INTS13: variants seen among roughly 807,000 people sequenced by gnomAD.
INTS13 encodes the protein asunder, spermatogenesis regulator homolog (Drosphila).
Under a neutral mutation model 90.2 loss-of-function variants are expected in INTS13, and 35 were observed. The ratio of observed to expected loss-of-function variants is 0.39; its 90% CI spans 0.30 to 0.51. The LOEUF (loss-of-function observed/expected upper bound fraction) is 0.51, where lower values mean the gene tolerates loss of function less well. Ranked by LOEUF, INTS13 falls within the 20% of genes least tolerant of loss-of-function variation. The probability of loss-of-function intolerance (pLI) is 0.80; values close to 1 mark genes in which losing one functional copy is unlikely to be tolerated. For synonymous variants in INTS13, 309 were observed against 277.1 expected (o/e 1.11, Z -1.14); for missense variants, 601 against 851.2 (o/e 0.71, Z 3.66).
rs116930070 is a variant in INTS13 at position 26,922,097 on chromosome 12, G to C, written c.889+519C>G. ...GGGATGTGAATCATTCCTTTGTCCA[G>C]CATATATATGCTATAAACACTACAA... On this transcript the variant is annotated intron_variant, in intron 8 of 16. Transcript: ENST00000261191. 1.7e-3 allele frequency among the ~76,000 whole-genome samples: 259 copies of C among 152,316 alleles called. 4 individuals are homozygous for C. In the East Asian group the frequency reaches 0.035, roughly 21 times the overall value.
At position 26,916,738 on chromosome 12, in the gene INTS13, C is replaced by T. The variant is rs2137454421; in HGVS notation, c.1070-558G>A. 1.3e-5 allele frequency among the ~76,000 whole-genome samples: 2 copies of T among 152,198 alleles called. 1 individual carries two copies. Among genetic ancestry groups the T allele is most frequent in the South Asian group, 4.1e-4 (2 of 4,822 alleles). On this transcript the variant is annotated intron_variant, in intron 10 of 16. Coordinates refer to ENST00000261191, the MANE Select transcript of INTS13 (RefSeq NM_018164.3). ...GACTGACTCTTTAGATCACTAGTTC[C>T]AAAACCTGAGATGATCATAAGAATT...
In INTS13 at chr12:26,905,543, T is replaced by C. The variant is rs374095160; in HGVS notation, c.2082-7A>G. On this transcript the variant is annotated splice_polypyrimidine_tract_variant and splice_region_variant and intron_variant, in intron 16 of 16. Coordinates refer to ENST00000261191, the MANE Select transcript of INTS13 (RefSeq NM_018164.3). ...ATTTTCTGTTGTCTCCATCCTGAAA[T>C]AGGAAGAAAAAAACGAGTTGATAAA... 2.6e-4 allele frequency: 417 copies of C among 1,610,386 alleles called. No homozygotes were observed. Among genetic ancestry groups the C allele is most frequent in the Admixed American group, 4.9e-4 (29 of 59,384 alleles).
intron 1 of INTS13, among the ~76,000 whole-genome samples, chr12:26,937,382 G>A (rs981031271): frequency 6.6e-6 from 1 of 152,104 alleles, no homozygotes; most frequent in Non-Finnish European, 1.5e-5. Context: ...TTAGGATAAG[G>A]ACCCCAACTT....
Position 26,925,976 on chromosome 12 carries a change from C to T in INTS13, c.585-125G>A. 3.2e-6 allele frequency: 2 copies of T among 627,498 alleles called. 1 individual carries two copies. 38.9% of individuals were successfully genotyped at this position (627,498 alleles called of 1,614,324 possible). On this transcript the variant is annotated intron_variant, in intron 5 of 16. Transcript: ENST00000261191. ...TGCTACAATTAGATATTACTGTTAA[C>T]CCAAAAGCTAAATATTAGAAAGGCA... is the stretch of plus-strand genomic sequence containing the variant.
rs559463410 is a variant in INTS13 at position 26,905,306 on chromosome 12, C to A, written c.*191G>T. 4.2e-4 allele frequency: 223 copies of A among 525,346 alleles called. 1 individual carries two copies. Among genetic ancestry groups the A allele is most frequent in the African/African-American group, 3.9e-3 (196 of 49,922 alleles). The allele number at this position is 525,346 out of a possible 1,614,324, so 32.5% of individuals were successfully genotyped here. A position where few individuals can be genotyped will look rare whatever the true frequency, so the allele number is the denominator to read the frequency against. Reference sequence around the variant, plus strand: ...ACTTGTATAATTTGGGAGGACAAATCATCTCAAATGTATATTTTTGAATTA... The same window carrying A: ...ACTTGTATAATTTGGGAGGACAAATAATCTCAAATGTATATTTTTGAATTA... On this transcript the variant is annotated 3_prime_UTR_variant, in exon 17 of 17. Transcript: ENST00000261191.
At chr12:26,938,047 T>G (rs1201860337), upstream of INTS13, 9 of 152,802 alleles carry the variant, frequency 5.9e-5, no homozygotes, top group Admixed American at 2.0e-4. Flanking sequence ...CGCTCTCCGA[T>G]AGCCCGGCCA....
chr12:26,922,974 AT>A (rs550393034), intron 7 of INTS13, among the ~76,000 whole-genome samples: 5 of 152,010 alleles, frequency 3.3e-5, no homozygotes, highest in African/African-American at 7.2e-5. Flanking sequence ...GAAATTTTGA[AT>A]TTTTTTTACT....
At chr12:26,913,152 A>G (rs78207325) in intron 14 of INTS13, among the ~76,000 whole-genome samples, 3,306 of 152,246 alleles carry the variant, frequency 0.022, 118 homozygotes, top group African/African-American at 0.076. Context: ...AGAGGAATAA[A>G]ATTATGTCTG....
rs146786338 is a variant in INTS13, at chr12:26,933,645, C to T, written c.300+911G>A. Reference sequence around the variant, plus strand: ...AAAAAGAGAGGAAAAAAAATGGGATCTGAAAAATAGGGAGAGAAGGATGAT... The same window carrying T: ...AAAAAGAGAGGAAAAAAAATGGGATTTGAAAAATAGGGAGAGAAGGATGAT... On this transcript the variant is annotated intron_variant, in intron 3 of 16. Coordinates refer to ENST00000261191, the MANE Select transcript of INTS13 (RefSeq NM_018164.3). Among the ~76,000 whole-genome samples, 64 of 152,184 alleles carry T rather than the reference C, an allele frequency of 4.2e-4. No homozygotes were observed. In the East Asian group the frequency reaches 6.9e-3, roughly 17 times the overall value.
intron 8 of INTS13, among the ~76,000 whole-genome samples, chr12:26,918,280 A>G (rs1952002415): frequency 6.6e-6 from 1 of 152,174 alleles, no homozygotes; most frequent in Admixed American, 6.5e-5. Flanking sequence ...CAATGAAAAA[A>G]ATGTCAGAGA....
intron 8 of INTS13, 24 bp from the exon 9 acceptor site, chr12:26,917,757 T>C (rs777718615): frequency 1.3e-6 from 2 of 1,503,194 alleles, no homozygotes; most frequent in Admixed American, 3.4e-5. Flanking sequence ...TCAGAGACAT[T>C]ACACATTGTA....
chr12:26,925,025 G>A (rs75036266), intron 6 of INTS13, among the ~76,000 whole-genome samples: 1,719 of 152,020 alleles, frequency 0.011, 28 homozygotes, highest in African/African-American at 0.039. Context: ...TTACAAATAA[G>A]TTTTCATTAT....
At chr12:26,930,270 T>C (rs939163206) in intron 3 of INTS13, among the ~76,000 whole-genome samples, 1 of 152,150 alleles carries the variant, frequency 6.6e-6, no homozygotes, top group African/African-American at 2.4e-5. Flanking sequence ...ATCCCCAACT[T>C]CTTTGTAGTA....
rs1169902375 is a variant in INTS13, at chr12:26,914,546, TA to T, written c.1280del (p.Leu427Ter). ...DFGEFMRENR[L>X]TPFLDPRYKI... ...TATATCTGGGGTCTAGAAAAGGAGT[TA>T]ATCTGTTTTCCCTCATAAATTCACC... On this transcript the variant is annotated frameshift_variant, in exon 12 of 17. Transcript: ENST00000261191. LOFTEE classifies it high-confidence loss of function. 2 of 1,613,266 alleles carry T rather than the reference TA, an allele frequency of 1.2e-6. No homozygotes were observed. The highest frequency in any genetic ancestry group is 1.7e-6 in the Non-Finnish European group (2 of 1,179,642).
chr12:26,928,156 T>C lies in INTS13; in HGVS notation c.584+49A>G, dbSNP rs371407691. 1.1e-3 allele frequency: 1,502 copies of C among 1,322,060 alleles called. 2 individuals carry two copies. The highest frequency in any genetic ancestry group is 1.5e-3 in the Non-Finnish European group (1,414 of 929,150). 81.9% of individuals were successfully genotyped at this position (1,322,060 alleles called of 1,614,324 possible). A position where few individuals can be genotyped will look rare whatever the true frequency, so the allele number is the denominator to read the frequency against. Reference sequence around the variant, plus strand: ...CAAGTTATTGGAAATAATTATAACATATATCTATCCACATGAACATATTTA... The same window carrying C: ...CAAGTTATTGGAAATAATTATAACACATATCTATCCACATGAACATATTTA... On this transcript the variant is annotated intron_variant, in intron 5 of 16. Coordinates refer to ENST00000261191, the MANE Select transcript of INTS13 (RefSeq NM_018164.3).
At chr12:26,927,211 G>T (rs1253152076) in intron 5 of INTS13, among the ~76,000 whole-genome samples, 1 of 152,246 alleles carries the variant, frequency 6.6e-6, no homozygotes, top group African/African-American at 2.4e-5. Context: ...ACATGAGGAG[G>T]GGGTTGTGGA....
intron 3 of INTS13, among the ~76,000 whole-genome samples, chr12:26,932,447 G>A (rs750937123): frequency 1.3e-5 from 2 of 152,156 alleles, no homozygotes; most frequent in Non-Finnish European, 2.9e-5. Flanking sequence ...CACCCTACCC[G>A]TGTAAGTGAC....
In INTS13 at chr12:26,936,691, G is replaced by A. The variant is rs1191760330; in HGVS notation, c.113C>T (p.Thr38Ile). ...GGGGGCCAAAGGAATGATTCCTTGG[G>A]TTCTATTCTTCACCAGCATATCAAA... ...VEFDMLVKNR[T>I]QGIIPLAPIS... Residue 38 changes from threonine (T) to isoleucine (I), a missense_variant, in exon 2 of 17, where the codon ACC becomes ATC. By Grantham distance (89) the Thr-to-Ile change is moderately conservative. Around this residue, in one of 3 missense-constraint regions of INTS13, gnomAD observed 284 missense variants for 387.7 expected, o/e 0.73. Transcript: ENST00000261191. 6.2e-7 allele frequency: 1 copy of A among 1,613,632 alleles called. No individual in the cohort carries two copies. Among genetic ancestry groups the A allele is most frequent in the African/African-American group, 1.3e-5 (1 of 74,874 alleles).
intron 8 of INTS13, 30 bp from the exon 9 acceptor site, chr12:26,917,763 T>C (rs980931814): frequency 2.7e-6 from 4 of 1,465,918 alleles, no homozygotes; most frequent in South Asian, 1.1e-5. Context: ...ACATTACACA[T>C]TGTATACATG....
Sources: allele counts gnomAD v4.1 joint callset (sites outside exome capture counted in the v4.1 genomes callset), GRCh38; gene constraint gnomAD v4.1.1; regional missense constraint gnomAD v4.1.1; transcripts MANE v1.5; gene names NCBI Gene and HGNC (gene_info 2026-07-23, HGNC 2026-07-21).